Variants in PDE4D observed in about 807,000 individuals in gnomAD.
The protein encoded by PDE4D is 3',5'-cyclic-AMP phosphodiesterase 4D.
In PDE4D, 24 loss-of-function variants were observed where a neutral mutation model predicts 87.4. The ratio of observed to expected loss-of-function variants is 0.27; its 90% CI spans 0.20 to 0.39. The LOEUF (loss-of-function observed/expected upper bound fraction) is 0.39, where lower values mean the gene tolerates loss of function less well. Among genes scored for constraint, PDE4D ranks in the 10% least tolerant of loss-of-function variants. The pLI is 1.00. For synonymous variants in PDE4D, 384 were observed against 383.2 expected (o/e 1.00, Z -0.02); for missense variants, 714 against 1,041.0 (o/e 0.69, Z 4.32).
At chr5:60,167,696 GGGT>G (rs911420299) in intron 2 of PDE4D, among the ~76,000 whole-genome samples, 3 of 151,932 alleles carry the variant, frequency 2.0e-5, no homozygotes, top group Non-Finnish European at 4.4e-5. Context: ...TTCTCATTGT[GGGT>G]CACTTAATGT....
chr5:59,580,279 TA>T lies in PDE4D; in HGVS notation c.455+312888del, dbSNP rs551324217. 9.3e-4 allele frequency among the ~76,000 whole-genome samples: 142 copies of T among 152,310 alleles called. 1 individual carries two copies. Among genetic ancestry groups the T allele is most frequent in the African/African-American group, 3.2e-3 (134 of 41,562 alleles). The stretch of plus-strand genomic sequence containing the variant: ...CAAGTTATCTAATCTCTGTGAACAT[TA>T]CCTTCCTCATCTGCAAACAGGGATT... On this transcript the variant is annotated intron_variant, in intron 1 of 14. Transcript: ENST00000340635.
chr5:60,051,006 G>T (rs935874301), intron 2 of PDE4D, among the ~76,000 whole-genome samples: 1 of 152,190 alleles, frequency 6.6e-6, no homozygotes, highest in Admixed American at 6.5e-5. Flanking sequence ...AAATATATTT[G>T]TACCCAATAC....
chr5:59,998,708 C>G (rs2152837074), intron 2 of PDE4D, among the ~76,000 whole-genome samples: 1 of 152,096 alleles, frequency 6.6e-6, no homozygotes, highest in African/African-American at 2.4e-5. Context: ...TACGGTCTTG[C>G]TCTAATACAT....
At chr5:60,102,636 G>A (rs184431606) in intron 2 of PDE4D, among the ~76,000 whole-genome samples, 146 of 152,206 alleles carry the variant, frequency 9.6e-4, no homozygotes, top group Middle Eastern at 6.8e-3. Context: ...CACTGATAGA[G>A]GGAAGACAGA....
intron 1 of PDE4D, among the ~76,000 whole-genome samples, chr5:59,245,907 T>C (rs1758749581): frequency 6.6e-6 from 1 of 152,116 alleles, no homozygotes; most frequent in East Asian, 1.9e-4. Flanking sequence ...TACAAGGATA[T>C]TTCAGGTCTC....
At chr5:59,098,708 A>C (rs933237886) in intron 5 of PDE4D, among the ~76,000 whole-genome samples, 10 of 151,516 alleles carry the variant, frequency 6.6e-5, no homozygotes, top group African/African-American at 2.2e-4. Flanking sequence ...AAAAAAAAAA[A>C]AAAAAAAAAG....
intron 1 of PDE4D, among the ~76,000 whole-genome samples, chr5:59,742,410 A>G (rs1758988890): frequency 6.6e-6 from 1 of 152,162 alleles, no homozygotes; most frequent in South Asian, 2.1e-4. Context: ...CCCACAAATT[A>G]TCATGTTTAG....
intron 1 of PDE4D, among the ~76,000 whole-genome samples, chr5:59,770,955 G>A (rs1206244828): frequency 6.6e-6 from 1 of 151,852 alleles, no homozygotes; most frequent in Non-Finnish European, 1.5e-5. Context: ...AACATAGCAA[G>A]ACCCCGTCTC....
At chr5:59,066,101 A>T (rs1233753905) in intron 5 of PDE4D, among the ~76,000 whole-genome samples, 1 of 152,184 alleles carries the variant, frequency 6.6e-6, no homozygotes, top group South Asian at 2.1e-4. Context: ...CAATTCATTG[A>T]TTCATTGAAC....
intron 1 of PDE4D, among the ~76,000 whole-genome samples, chr5:60,463,704 C>G (rs769753315): frequency 1.3e-5 from 2 of 152,126 alleles, no homozygotes; most frequent in Admixed American, 6.5e-5. Flanking sequence ...TTGGTCTATT[C>G]CTACTTTGAG....
intron 5 of PDE4D, among the ~76,000 whole-genome samples, chr5:59,168,148 A>C (rs1365658286): frequency 6.6e-6 from 1 of 152,170 alleles, no homozygotes; most frequent in African/African-American, 2.4e-5. Flanking sequence ...TAAGCATCAG[A>C]AATATCTCAA....
At chr5:60,236,337 A>C (rs6449459) in intron 1 of PDE4D, among the ~76,000 whole-genome samples, 80,379 of 151,626 alleles carry the variant, frequency 0.53, 22,017 homozygotes, top group African/African-American at 0.65. Flanking sequence ...TATTTGTAAA[A>C]CAAATATTAT....
chr5:60,409,670 G>A (rs1344254365), intron 1 of PDE4D, among the ~76,000 whole-genome samples: 1 of 152,206 alleles, frequency 6.6e-6, no homozygotes, highest in East Asian at 1.9e-4. Context: ...AAAGGAAGAA[G>A]GAGTTAATAT....
At chr5:59,676,533 G>A (rs544850264) in intron 1 of PDE4D, among the ~76,000 whole-genome samples, 1 of 152,228 alleles carries the variant, frequency 6.6e-6, no homozygotes, top group Admixed American at 6.5e-5. Flanking sequence ...GCTTCTAAAA[G>A]CTGAAGGATT....
At chr5:59,829,731 C>A (rs1025803050) in intron 1 of PDE4D, among the ~76,000 whole-genome samples, 1 of 152,002 alleles carries the variant, frequency 6.6e-6, no homozygotes, top group East Asian at 1.9e-4. Flanking sequence ...TCTAATTATA[C>A]AATGATCCCT....
At chr5:59,586,319 G>A in intron 1 of PDE4D, 4 of 1,583,120 alleles carry the variant, frequency 2.5e-6, no homozygotes, top group Non-Finnish European at 3.5e-6. Flanking sequence ...AGGGAATATT[G>A]ATTACTCACC....
At chr5:60,503,291 C>A (rs1750179158) in intron 1 of PDE4D, among the ~76,000 whole-genome samples, 1 of 152,100 alleles carries the variant, frequency 6.6e-6, no homozygotes, top group African/African-American at 2.4e-5. Context: ...TATAGAATAT[C>A]CTAGAGTATT....
intron 1 of PDE4D, among the ~76,000 whole-genome samples, chr5:60,374,108 G>A (rs1451576975): frequency 6.6e-6 from 1 of 152,080 alleles, no homozygotes; most frequent in Non-Finnish European, 1.5e-5. Context: ...TCCTTTCCTT[G>A]AAAGATACAG....
At chr5:59,519,591 C>G (rs183549434) in intron 1 of PDE4D, among the ~76,000 whole-genome samples, 3 of 152,230 alleles carry the variant, frequency 2.0e-5, no homozygotes, top group Non-Finnish European at 4.4e-5. Context: ...ATGTCAGATC[C>G]AGGTCACTTG....
Sources: gnomAD v4.1 joint callset for allele counts (sites outside exome capture counted in the v4.1 genomes callset) on GRCh38, gnomAD v4.1.1 for gene constraint, MANE v1.5 for transcripts, NCBI Gene and HGNC (gene_info 2026-07-23, HGNC 2026-07-21) for gene names.